Variants in DPP10 observed in about 807,000 individuals in gnomAD.
The protein encoded by DPP10 is inactive dipeptidyl peptidase 10.
In DPP10, 33 loss-of-function variants were observed where a neutral mutation model predicts 120.9. The observed-to-expected ratio is 0.27, with a 90% CI of 0.21 to 0.37. DPP10 has a LOEUF of 0.37. Ranked by LOEUF, DPP10 falls within the 10% of genes least tolerant of loss-of-function variation. DPP10 has a pLI of 1.00. For missense variants in DPP10, 816 were observed against 942.8 expected (o/e 0.87, Z 1.76); for synonymous variants, 337 against 326.1 (o/e 1.03, Z -0.36).
At chr2:115,384,818 T>C (rs959241115) in intron 3 of DPP10, among the ~76,000 whole-genome samples, 7 of 152,186 alleles carry the variant, frequency 4.6e-5, no homozygotes, top group African/African-American at 1.7e-4. Context: ...GTCACTGGTA[T>C]GGTTTGGCTC....
chr2:115,798,038 T>C (rs931302623), intron 19 of DPP10, among the ~76,000 whole-genome samples: 4 of 151,970 alleles, frequency 2.6e-5, no homozygotes, highest in South Asian at 2.1e-4. Context: ...GTTTTAGATA[T>C]GCATGGATTC....
intron 1 of DPP10, among the ~76,000 whole-genome samples, chr2:114,812,427 A>C (rs1007932363): frequency 2.6e-5 from 4 of 151,974 alleles, no homozygotes; most frequent in African/African-American, 9.7e-5. Flanking sequence ...CTCTACAAAA[A>C]ATTTTTAAAA....
At chr2:115,627,995 A>G (rs190010624) in intron 5 of DPP10, among the ~76,000 whole-genome samples, 165 of 152,294 alleles carry the variant, frequency 1.1e-3, no homozygotes, top group African/African-American at 3.7e-3. Context: ...CATGTATCCC[A>G]GTAATGGGAT....
At chr2:115,059,620 A>C (rs1464244495) in intron 1 of DPP10, among the ~76,000 whole-genome samples, 1 of 150,248 alleles carries the variant, frequency 6.7e-6, no homozygotes, top group Non-Finnish European at 1.5e-5. Flanking sequence ...TATTGAGAAA[A>C]CCAGAATAGA....
At chr2:115,803,479 G>A (rs908562569) in intron 19 of DPP10, among the ~76,000 whole-genome samples, 4 of 152,162 alleles carry the variant, frequency 2.6e-5, no homozygotes, top group African/African-American at 9.7e-5. Context: ...TCATTATGAT[G>A]TTAGCTGGTT....
chr2:115,541,938 C>G (rs1056118079), intron 5 of DPP10, among the ~76,000 whole-genome samples: 1 of 151,924 alleles, frequency 6.6e-6, no homozygotes, highest in Admixed American at 6.6e-5. Context: ...CAGACTCACA[C>G]AAATTTGCAA....
At chr2:115,604,087 T>A (rs1839140) in intron 5 of DPP10, among the ~76,000 whole-genome samples, 1 of 528 alleles carries the variant, frequency 1.9e-3, no homozygotes, top group Admixed American at 0.045. Context: ...CTGTTTTTTT[T>A]TTTTTTTTTT....
At chr2:115,199,207 A>T (rs574217201) in intron 1 of DPP10, among the ~76,000 whole-genome samples, 1 of 152,292 alleles carries the variant, frequency 6.6e-6, no homozygotes, top group African/African-American at 2.4e-5. Context: ...AACTGAGTTG[A>T]TAATCCTATT....
At chr2:114,581,045 TGATTC>T (rs1200386105) in intron 1 of DPP10, among the ~76,000 whole-genome samples, 3 of 152,146 alleles carry the variant, frequency 2.0e-5, no homozygotes, top group African/African-American at 7.2e-5. Flanking sequence ...ATGCATCCTC[TGATTC>T]ATCTGATTCT....
chr2:115,501,597 G>T (rs1413838318), intron 4 of DPP10, among the ~76,000 whole-genome samples: 1 of 151,998 alleles, frequency 6.6e-6, no homozygotes, highest in African/African-American at 2.4e-5. Flanking sequence ...GGACATTTAT[G>T]TCACAACACA....
At chr2:115,422,208 C>G (rs1008639866) in intron 3 of DPP10, among the ~76,000 whole-genome samples, 10 of 152,124 alleles carry the variant, frequency 6.6e-5, no homozygotes, top group African/African-American at 2.2e-4. Flanking sequence ...CTGTGAGAGG[C>G]AGAATGGAAA....
At chr2:115,663,934 G>A (rs1166239628) in intron 5 of DPP10, among the ~76,000 whole-genome samples, 2 of 151,948 alleles carry the variant, frequency 1.3e-5, no homozygotes, top group East Asian at 3.9e-4. Flanking sequence ...GGCAGAGGTT[G>A]CAGTGAGCCG....
intron 5 of DPP10, among the ~76,000 whole-genome samples, chr2:115,604,792 A>T (rs1217290544): frequency 2.0e-5 from 3 of 151,990 alleles, no homozygotes; most frequent in African/African-American, 7.2e-5. Flanking sequence ...ATAAGTAGCC[A>T]CCTCCTTCTT....
rs140800258 is a variant in DPP10 at position 115,469,630 on chromosome 2, G to A, written c.272-29880G>A. Among the ~76,000 whole-genome samples, 1,355 of 152,272 alleles carry A rather than the reference G, an allele frequency of 8.9e-3. 18 individuals carry two copies. The highest frequency in any genetic ancestry group is 0.048 in the South Asian group (232 of 4,820). On this transcript the variant is annotated intron_variant, in intron 3 of 25. Coordinates refer to ENST00000410059, the MANE Select transcript of DPP10 (RefSeq NM_020868.6). ...ACTAGTTTCCGAGGCTGAGCATGGTGGGTCACACCTGTAATCCGAGCACTT... is the reference window on the plus strand; with the variant it reads ...ACTAGTTTCCGAGGCTGAGCATGGTAGGTCACACCTGTAATCCGAGCACTT...
At chr2:115,126,098 T>C (rs1203613782) in intron 1 of DPP10, among the ~76,000 whole-genome samples, 1 of 152,210 alleles carries the variant, frequency 6.6e-6, no homozygotes, top group East Asian at 1.9e-4. Context: ...AAAAATTATA[T>C]AGTACTTTAT....
intron 19 of DPP10, among the ~76,000 whole-genome samples, chr2:115,798,464 T>A (rs1575807925): frequency 2.0e-5 from 3 of 152,104 alleles, no homozygotes; most frequent in Admixed American, 6.6e-5. Flanking sequence ...CAGGATTTTT[T>A]AAATAATATA....
chr2:115,564,200 CTAAT>C (rs752392253), intron 5 of DPP10, among the ~76,000 whole-genome samples: 41 of 141,512 alleles, frequency 2.9e-4, no homozygotes, highest in Non-Finnish European at 4.2e-4. Flanking sequence ...AATGAGGTCT[CTAAT>C]TATTTTTTCA....
chr2:115,570,049 C>A (rs1432282750), intron 5 of DPP10, among the ~76,000 whole-genome samples: 2 of 152,142 alleles, frequency 1.3e-5, no homozygotes, highest in African/African-American at 4.8e-5. Context: ...GAGATGAAGG[C>A]TGATCGTCAA....
intron 1 of DPP10, among the ~76,000 whole-genome samples, chr2:114,684,269 C>T (rs1238255868): frequency 6.6e-6 from 1 of 151,900 alleles, no homozygotes; most frequent in African/African-American, 2.4e-5. Context: ...TGCTCTTTTA[C>T]CTCCCGGCCA....
Sources: gnomAD v4.1 joint callset for allele counts (sites outside exome capture counted in the v4.1 genomes callset) on GRCh38, gnomAD v4.1.1 for gene constraint, MANE v1.5 for transcripts, NCBI Gene and HGNC (gene_info 2026-07-23, HGNC 2026-07-21) for gene names.